Variants in AGBL1 observed in about 807,000 individuals in gnomAD.
The protein encoded by AGBL1 is AGBL carboxypeptidase 1.
In AGBL1, 130 loss-of-function variants were observed where a neutral mutation model predicts 118.9. The observed-to-expected ratio is 1.09, with a 90% CI of 0.95 to 1.26. AGBL1 has a LOEUF of 1.26. Ranked by LOEUF, AGBL1 falls within the 50% of genes most tolerant of loss-of-function variation. The pLI is 0.00. For missense variants in AGBL1, 1,584 were observed against 1,298.1 expected, an observed-to-expected ratio of 1.22 and a Z score of -3.38; for synonymous variants, 555 against 478.9, an observed-to-expected ratio of 1.16 and a Z score of -2.08.
chr15:86,528,479 T>G (rs1337493927), intron 19 of AGBL1, among the ~76,000 whole-genome samples: 3 of 151,710 alleles, frequency 2.0e-5, no homozygotes, highest in Non-Finnish European at 4.4e-5. Context: ...TCTCGCTGAT[T>G]GCTAGCACAG....
At chr15:86,755,542 G>A (rs1002364052) in intron 22 of AGBL1, among the ~76,000 whole-genome samples, 9 of 152,152 alleles carry the variant, frequency 5.9e-5, no homozygotes, top group South Asian at 2.1e-4. Flanking sequence ...ATAACGTACC[G>A]TTCATTTTAG....
chr15:86,826,419 C>T (rs976264776), intron 22 of AGBL1, among the ~76,000 whole-genome samples: 2 of 152,074 alleles, frequency 1.3e-5, no homozygotes. Flanking sequence ...TGATTTATTA[C>T]ACGACATCTA....
intron 18 of AGBL1, among the ~76,000 whole-genome samples, chr15:86,440,649 C>T (rs918564832): frequency 3.9e-5 from 6 of 151,972 alleles, no homozygotes; most frequent in Non-Finnish European, 7.4e-5. Flanking sequence ...GTAGTTAGCC[C>T]CAAGACACAT....
intron 16 of AGBL1, among the ~76,000 whole-genome samples, chr15:86,288,250 A>G (rs893204306): frequency 3.3e-5 from 5 of 152,178 alleles, no homozygotes; most frequent in African/African-American, 1.2e-4. Context: ...CACAGAGACT[A>G]TAATCTGAAT....
chr15:86,112,544 A>C (rs1411189740), intron 1 of AGBL1, among the ~76,000 whole-genome samples: 5 of 152,248 alleles, frequency 3.3e-5, no homozygotes, highest in African/African-American at 1.2e-4. Context: ...GATTAGCAAC[A>C]GTGATGAAGT....
intron 18 of AGBL1, among the ~76,000 whole-genome samples, chr15:86,414,267 TTTATCA>T (rs2081660060): frequency 6.6e-6 from 1 of 152,170 alleles, no homozygotes. Context: ...AAACCCAGAC[TTTATCA>T]TTATGCAATA....
intron 21 of AGBL1, among the ~76,000 whole-genome samples, chr15:86,562,387 T>C (rs1351686888): frequency 1.3e-5 from 2 of 152,234 alleles, no homozygotes; most frequent in Non-Finnish European, 2.9e-5. Context: ...CTTTTCTGCA[T>C]CTATTGAGAT....
chr15:86,997,316 A>G (rs1416347560), intron 24 of AGBL1, among the ~76,000 whole-genome samples: 1 of 152,160 alleles, frequency 6.6e-6, no homozygotes, highest in Non-Finnish European at 1.5e-5. Context: ...GGCCTCCTGC[A>G]GTGCCCTCTC....
At chr15:86,383,449 A>G (rs1015565060) in intron 17 of AGBL1, among the ~76,000 whole-genome samples, 1 of 151,668 alleles carries the variant, frequency 6.6e-6, no homozygotes, top group African/African-American at 2.4e-5. Context: ...TTAGTCGGGC[A>G]TGGTGGCGGC....
At chr15:86,784,568 T>C (rs1377136429) in intron 22 of AGBL1, among the ~76,000 whole-genome samples, 1 of 152,180 alleles carries the variant, frequency 6.6e-6, no homozygotes, top group Non-Finnish European at 1.5e-5. Context: ...GGTGTCTTCA[T>C]TAACTATATA....
chr15:86,827,409 GTGTATA>G (rs1567194681), intron 22 of AGBL1, among the ~76,000 whole-genome samples: 90 of 5,230 alleles, frequency 0.017, 14 homozygotes, highest in East Asian at 0.088. Context: ...ATATATATAT[GTGTATA>G]TATATATATA....
At chr15:86,825,343 T>C (rs1270651804) in intron 22 of AGBL1, among the ~76,000 whole-genome samples, 1 of 120,278 alleles carries the variant, frequency 8.3e-6, no homozygotes, top group Non-Finnish European at 1.7e-5. Flanking sequence ...CTTTCTTTTT[T>C]GTAAAAGACT....
At chr15:86,541,839 T>A (rs1356982671) in intron 19 of AGBL1, among the ~76,000 whole-genome samples, 1 of 152,076 alleles carries the variant, frequency 6.6e-6, no homozygotes, top group East Asian at 1.9e-4. Flanking sequence ...ATCTCCTAAC[T>A]AGAATCAAAT....
chr15:86,725,759 G>A (rs780356561), intron 22 of AGBL1, among the ~76,000 whole-genome samples: 11 of 152,164 alleles, frequency 7.2e-5, no homozygotes, highest in Non-Finnish European at 1.6e-4. Context: ...CCACTGGTAG[G>A]TATGCATTAT....
At chr15:86,667,373 A>T (rs1347899623) in intron 21 of AGBL1, among the ~76,000 whole-genome samples, 1 of 151,866 alleles carries the variant, frequency 6.6e-6, no homozygotes, top group East Asian at 1.9e-4. Context: ...TAAATTATGA[A>T]ACTTTTTCTT....
At chr15:86,296,232 A>G (rs1313980945) in intron 17 of AGBL1, 3 of 150,182 alleles carry the variant, frequency 2.0e-5, no homozygotes, top group African/African-American at 5.0e-5. Context: ...AAAAAAAACA[A>G]AAAAACAAAA....
At chr15:86,559,987 G>A (rs1031248222) in intron 21 of AGBL1, among the ~76,000 whole-genome samples, 1 of 152,110 alleles carries the variant, frequency 6.6e-6, no homozygotes, top group African/African-American at 2.4e-5. Flanking sequence ...TAGGAAGACA[G>A]AATTGGAACT....
At position 86,915,346 on chromosome 15, in the gene AGBL1, A is replaced by G. The variant is rs2141610102; in HGVS notation, c.*8052A>G. The G allele has an allele frequency of 6.6e-6, 1 of 152,292 alleles. No individual in the cohort carries two copies. Among genetic ancestry groups the G allele is most frequent in the East Asian group, 1.9e-4 (1 of 5,178 alleles). The allele number at this position is 152,292 out of a possible 1,614,324, so 9.4% of individuals were successfully genotyped here. On this transcript the variant is annotated 3_prime_UTR_variant, in exon 23 of 23. Transcript: ENST00000614907. ...TAAGGATAAAATGCAGACAGGACCT[A>G]GTGCTTGAGCCTTTTCAGATCCAGC...
intron 23 of AGBL1, among the ~76,000 whole-genome samples, chr15:86,930,961 C>G (rs1161134141): frequency 6.6e-6 from 1 of 152,100 alleles, no homozygotes; most frequent in Non-Finnish European, 1.5e-5. Flanking sequence ...AGTTGTTTTT[C>G]AGAAACCCAG....
Sources: allele counts gnomAD v4.1 joint callset (sites outside exome capture counted in the v4.1 genomes callset), GRCh38; gene constraint gnomAD v4.1.1; transcripts MANE v1.5; gene names NCBI Gene and HGNC (gene_info 2026-07-23, HGNC 2026-07-21).